GRB10: variants seen among roughly 807,000 people sequenced by gnomAD.
GRB10 encodes the protein growth factor receptor bound protein 10.
A neutral mutation model predicts 80.9 loss-of-function variants in GRB10; 20 were observed. That is an observed-to-expected ratio of 0.25 (90% CI 0.17 to 0.36). The LOEUF is 0.36. GRB10 is among the 10% of genes least tolerant of loss of function. The pLI, the probability that GRB10 is intolerant of heterozygous loss-of-function variation, is 1.00. For missense variants in GRB10, 548 were observed against 747.7 expected (o/e 0.73, Z 3.12); for synonymous variants, 291 against 291.5 (o/e 1.00, Z 0.02).
rs531143716 is a variant in GRB10 at position 50,690,022 on chromosome 7, C to T, written c.139+13799G>A. 6.6e-5 allele frequency among the ~76,000 whole-genome samples: 10 copies of T among 151,490 alleles called. No individual in the cohort carries two copies. In the East Asian group the frequency reaches 1.4e-3, roughly 21 times the overall value. On this transcript the variant is annotated intron_variant, in intron 5 of 18. Coordinates refer to ENST00000401949, the MANE Select transcript of GRB10 (RefSeq NM_001350814.2). ...AAAAAAAAAAAAAGAAAAGGCTGGG[C>T]GCGGTGGCTCACGCCTGTAATCCCA...
At chr7:50,597,395 C>T (rs2046854984) in intron 17 of GRB10, among the ~76,000 whole-genome samples, 1 of 152,268 alleles carries the variant, frequency 6.6e-6, no homozygotes, top group Admixed American at 6.5e-5. Context: ...TCCAGTTCTT[C>T]TCCCAAGCGC....
At position 50,593,102 on chromosome 7, in the gene GRB10, G is replaced by A; in HGVS notation, c.1639-4C>T. 6.2e-7 allele frequency: 1 copy of A among 1,614,110 alleles called. No homozygotes were observed. Among genetic ancestry groups the A allele is most frequent in the Non-Finnish European group, 8.5e-7 (1 of 1,180,038 alleles). On this transcript the variant is annotated splice_region_variant and splice_polypyrimidine_tract_variant and intron_variant, in intron 18 of 18. Coordinates refer to ENST00000401949, the MANE Select transcript of GRB10 (RefSeq NM_001350814.2). ...ACGTCTGCCCGTCGTCCTCGCACTG[G>A]AGAGACACAAGAACACTTGCCAGGT...
intron 4 of GRB10, among the ~76,000 whole-genome samples, chr7:50,729,896 C>A (rs1039364450): frequency 6.6e-6 from 1 of 152,100 alleles, no homozygotes. Flanking sequence ...AAAGCTGGCT[C>A]CCTAGCCCAA....
At chr7:50,726,312 C>T (rs1230360827) in intron 4 of GRB10, among the ~76,000 whole-genome samples, 1 of 152,154 alleles carries the variant, frequency 6.6e-6, no homozygotes, top group African/African-American at 2.4e-5. Flanking sequence ...GCAGGACAAT[C>T]GCTTGAACCC....
chr7:50,660,733 T>C (rs1252396896), intron 7 of GRB10, among the ~76,000 whole-genome samples: 1 of 151,814 alleles, frequency 6.6e-6, no homozygotes, highest in Admixed American at 6.6e-5. Context: ...GACAGAGGAT[T>C]TTAACTTGAA....
intron 1 of GRB10, among the ~76,000 whole-genome samples, chr7:50,790,128 G>A (rs1049927589): frequency 2.0e-5 from 3 of 152,212 alleles, no homozygotes; most frequent in African/African-American, 7.2e-5. Context: ...CAGCCAAGAG[G>A]AACAAGGAGT....
At chr7:50,715,517 C>T (rs546602498) in intron 4 of GRB10, among the ~76,000 whole-genome samples, 7 of 152,266 alleles carry the variant, frequency 4.6e-5, no homozygotes, top group African/African-American at 1.7e-4. Context: ...CCTCGCCCTT[C>T]AGGTATGAAA....
intron 3 of GRB10, among the ~76,000 whole-genome samples, chr7:50,754,120 C>T (rs1360677334): frequency 6.6e-6 from 1 of 152,228 alleles, no homozygotes; most frequent in Non-Finnish European, 1.5e-5. Flanking sequence ...GATTCAGCTT[C>T]GCAGGGCTGC....
In GRB10 at chr7:50,628,599, G is replaced by A. The variant is rs953809792; in HGVS notation, c.505-1621C>T. On this transcript the variant is annotated intron_variant, in intron 7 of 18. Transcript: ENST00000401949. ...GGGGGTGGTAGAGGCGGGGCTCAGCGAGAGCGGAAGAGCCCTTCTCTGTGA... is the reference window on the plus strand; with the variant it reads ...GGGGGTGGTAGAGGCGGGGCTCAGCAAGAGCGGAAGAGCCCTTCTCTGTGA... Among the ~76,000 whole-genome samples, 7 of 152,148 alleles carry A rather than the reference G, an allele frequency of 4.6e-5. No individual in the cohort carries two copies. In the East Asian group the frequency reaches 5.8e-4, roughly 13 times the overall value.
chr7:50,759,462 T>C (rs1381357209), intron 2 of GRB10, among the ~76,000 whole-genome samples: 4 of 152,146 alleles, frequency 2.6e-5, no homozygotes, highest in African/African-American at 7.2e-5. Flanking sequence ...GATGCTCCAG[T>C]CCCTGGTATA....
intron 8 of GRB10, 62 bp downstream of exon 8, chr7:50,626,760 A>AGTCT: frequency 1.3e-6 from 2 of 1,583,106 alleles, no homozygotes; most frequent in Non-Finnish European, 1.7e-6. Context: ...TGGCAGCAGC[A>AGTCT]GTCTTCATTC....
intron 1 of GRB10, chr7:50,792,708 A>C: frequency 2.8e-6 from 1 of 358,568 alleles, no homozygotes; most frequent in South Asian, 1.5e-4. Context: ...GTCTGGCACC[A>C]CTGTCCCGGA....
intron 5 of GRB10, among the ~76,000 whole-genome samples, chr7:50,695,304 T>C (rs796077427): frequency 6.6e-6 from 1 of 152,178 alleles, no homozygotes; most frequent in African/African-American, 2.4e-5. Flanking sequence ...ACATTACTGA[T>C]AGCAAAACAC....
chr7:50,673,103 C>T (rs1259975650), intron 6 of GRB10, among the ~76,000 whole-genome samples: 2 of 152,144 alleles, frequency 1.3e-5, no homozygotes, highest in Non-Finnish European at 1.5e-5. Flanking sequence ...TGTCAGACCA[C>T]AAAGAAAACT....
At chr7:50,626,453 C>T (rs2052915535) in intron 8 of GRB10, among the ~76,000 whole-genome samples, 1 of 152,220 alleles carries the variant, frequency 6.6e-6, no homozygotes, top group Non-Finnish European at 1.5e-5. Context: ...CTGTGCATGG[C>T]CAGCTCTCTC....
chr7:50,786,479 G>GACAAA (rs1562721493), upstream of GRB10, among the ~76,000 whole-genome samples: 3 of 151,692 alleles, frequency 2.0e-5, no homozygotes, highest in Admixed American at 1.3e-4. Context: ...GTCCAGACAT[G>GACAAA]ACAAAACAAA....
Position 50,732,337 on chromosome 7 carries a change from T to G in GRB10, c.-15A>C. The G allele has an allele frequency of 6.2e-7, 1 of 1,613,210 alleles. No homozygotes were observed. Among genetic ancestry groups the G allele is most frequent in the South Asian group, 1.1e-5 (1 of 91,052 alleles). On this transcript the variant is annotated 5_prime_UTR_variant, in exon 4 of 19. Coordinates refer to ENST00000401949, the MANE Select transcript of GRB10 (RefSeq NM_001350814.2). ...GCTAAAGCCATGGGTTCCTTCTGCC[T>G]TCTTCAAATTACATTTACTGCGCTG...
upstream of GRB10, among the ~76,000 whole-genome samples, chr7:50,783,170 G>A (rs1380187798): frequency 6.6e-6 from 1 of 152,228 alleles, no homozygotes; most frequent in East Asian, 1.9e-4. Flanking sequence ...GATGCCGCCT[G>A]CTCGAGCAAC....
rs966013706 is a variant in GRB10 at position 50,622,918 on chromosome 7, A to G, written c.662-3633T>C. ...TGATCCTCCTGCCTTGGCCTTCCAAAGTGCTGGGACTACAGGCATGAGCCA... is the reference window on the plus strand; with the variant it reads ...TGATCCTCCTGCCTTGGCCTTCCAAGGTGCTGGGACTACAGGCATGAGCCA... On this transcript the variant is annotated intron_variant, in intron 8 of 18. Coordinates refer to ENST00000401949, the MANE Select transcript of GRB10 (RefSeq NM_001350814.2). Among the ~76,000 whole-genome samples the G allele has an allele frequency of 9.2e-5, 14 of 152,044 alleles. 1 individual carries two copies. Among genetic ancestry groups the G allele is most frequent in the African/African-American group, 2.4e-4 (10 of 41,398 alleles).
Sources: gnomAD v4.1 joint callset for allele counts (sites outside exome capture counted in the v4.1 genomes callset) on GRCh38, gnomAD v4.1.1 for gene constraint, MANE v1.5 for transcripts, NCBI Gene and HGNC (gene_info 2026-07-23, HGNC 2026-07-21) for gene names.